Variants in HPCAL1 observed in about 807,000 individuals in gnomAD.
HPCAL1 encodes hippocalcin-like protein 1.
In HPCAL1, 8 loss-of-function variants were observed where a neutral mutation model predicts 17.1. The ratio of observed to expected loss-of-function variants is 0.47; its 90% CI spans 0.27 to 0.84. HPCAL1 has a LOEUF of 0.84. Among genes scored for constraint, HPCAL1 ranks in the 40% least tolerant of loss-of-function variants. The pLI is 0.13. For missense variants in HPCAL1, 165 were observed against 271.1 expected (o/e 0.61, Z 2.75); for synonymous variants, 112 against 111.4 (o/e 1.01, Z -0.03).
At chr2:10,391,124 C>G (rs1179350193) in intron 1 of HPCAL1, among the ~76,000 whole-genome samples, 1 of 152,214 alleles carries the variant, frequency 6.6e-6, no homozygotes, top group Non-Finnish European at 1.5e-5. Flanking sequence ...ACATGGTGGG[C>G]ACTCGGCCTA....
chr2:10,318,125 G>T (rs1347945239), intron 1 of HPCAL1, among the ~76,000 whole-genome samples: 1 of 152,098 alleles, frequency 6.6e-6, no homozygotes, highest in Non-Finnish European at 1.5e-5. Flanking sequence ...ATTTCTAAAG[G>T]CAGTCAACTT....
intron 4 of HPCAL1, chr2:10,424,385 G>A (rs927531743): frequency 4.6e-5 from 19 of 416,976 alleles, no homozygotes; most frequent in East Asian, 2.9e-4. Flanking sequence ...ACCTGCTGCC[G>A]CTCTCCTGAG....
intron 1 of HPCAL1, among the ~76,000 whole-genome samples, chr2:10,305,243 C>T (rs781069605): frequency 6.6e-6 from 1 of 151,880 alleles, no homozygotes; most frequent in Non-Finnish European, 1.5e-5. Context: ...AAAAAAAAAT[C>T]AGTCTGGCTT....
In HPCAL1 at chr2:10,367,510, C is replaced by G. The variant is rs1419170290; in HGVS notation, c.-110-29325C>G. Among the ~76,000 whole-genome samples the G allele has an allele frequency of 3.9e-5, 6 of 152,058 alleles. No individual in the cohort carries two copies. The highest frequency in any genetic ancestry group is 5.9e-5 in the Non-Finnish European group (4 of 68,022). On this transcript the variant is annotated intron_variant, in intron 1 of 4. Coordinates refer to ENST00000307845, the MANE Select transcript of HPCAL1 (RefSeq NM_002149.4). This position sits in a 1 kb window ranked among gnomAD's most constrained non-coding sequence, Gnocchi z 4.4. Reference sequence around the variant, plus strand: ...CCCAGACTGGTCTTAAACTCCTGGGCTCAACTAAAATTTTAATCTCCAATT... The same window carrying G: ...CCCAGACTGGTCTTAAACTCCTGGGGTCAACTAAAATTTTAATCTCCAATT...
At chr2:10,399,505 C>CCAT (rs1669411035) in intron 2 of HPCAL1, among the ~76,000 whole-genome samples, 1 of 121,770 alleles carries the variant, frequency 8.2e-6, no homozygotes, top group Non-Finnish European at 1.8e-5. Flanking sequence ...ATCACCATCA[C>CCAT]CACCACCGCC....
In HPCAL1 at chr2:10,388,420, T is replaced by G. The variant is rs1371873334; in HGVS notation, c.-110-8415T>G. On this transcript the variant is annotated intron_variant, in intron 1 of 4. Coordinates refer to ENST00000307845, the MANE Select transcript of HPCAL1 (RefSeq NM_002149.4). ...AATTCTGTTAGTGAGCAGTGAGCTG[T>G]TTTATTTTCCTTCCTGCCTATGGAA... 2.0e-5 allele frequency among the ~76,000 whole-genome samples: 3 copies of G among 152,134 alleles called. No homozygotes were observed. The East Asian group carries it at 5.8e-4, about 29-fold the overall frequency.
At chr2:10,374,015 C>T (rs1295380229) in intron 1 of HPCAL1, among the ~76,000 whole-genome samples, 1 of 152,154 alleles carries the variant, frequency 6.6e-6, no homozygotes, top group Non-Finnish European at 1.5e-5. Flanking sequence ...GTCCTCTGTC[C>T]CCTAGTCTCA....
chr2:10,312,419 A>G (rs550633902), intron 1 of HPCAL1, among the ~76,000 whole-genome samples: 4 of 150,368 alleles, frequency 2.7e-5, no homozygotes, highest in African/African-American at 9.8e-5. Context: ...CAATGTCGTC[A>G]TCACCATCAT....
chr2:10,329,281 G>A (rs931555175), intron 1 of HPCAL1, among the ~76,000 whole-genome samples: 2 of 152,202 alleles, frequency 1.3e-5, no homozygotes, highest in African/African-American at 2.4e-5. Context: ...TGCCTTATAC[G>A]GTAAAGGGCT....
chr2:10,306,207 T>C (rs1662611574), intron 1 of HPCAL1, among the ~76,000 whole-genome samples: 1 of 152,126 alleles, frequency 6.6e-6, no homozygotes, highest in Non-Finnish European at 1.5e-5. Flanking sequence ...AATTTTGCAT[T>C]CCAGCAAGCC....
At chr2:10,399,540 A>C in intron 2 of HPCAL1, among the ~76,000 whole-genome samples, 2 of 112,806 alleles carry the variant, frequency 1.8e-5, no homozygotes, top group Non-Finnish European at 3.5e-5. Flanking sequence ...TGCCACCGCC[A>C]CCATCACCGC....
chr2:10,409,979 A>T (rs774344614), intron 2 of HPCAL1, among the ~76,000 whole-genome samples: 3 of 151,724 alleles, frequency 2.0e-5, no homozygotes, highest in Non-Finnish European at 4.4e-5. Flanking sequence ...TTTAGTAGGG[A>T]CGGTTTCACC....
chr2:10,404,548 C>T (rs921833612), intron 2 of HPCAL1, among the ~76,000 whole-genome samples: 12 of 152,158 alleles, frequency 7.9e-5, no homozygotes, highest in African/African-American at 2.7e-4. Flanking sequence ...TCCCCAGAGA[C>T]GGAGATGAGA....
chr2:10,362,500 A>G lies in HPCAL1; in HGVS notation c.-110-34335A>G, dbSNP rs575717312. On this transcript the variant is annotated intron_variant, in intron 1 of 4. Coordinates refer to ENST00000307845, the MANE Select transcript of HPCAL1 (RefSeq NM_002149.4). This position sits in a 1 kb window ranked among gnomAD's most constrained non-coding sequence, Gnocchi z 5.0. ...TGAGCAAGAGGAGGAGAGGACAGGG[A>G]AGGAACATGTCTGCTTCTTTCCTTC... Among the ~76,000 whole-genome samples, 268 of 152,274 alleles carry G rather than the reference A, an allele frequency of 1.8e-3. 2 individuals carry two copies. The highest frequency in any genetic ancestry group is 6.1e-3 in the African/African-American group (253 of 41,542).
In HPCAL1 at chr2:10,357,304, C is replaced by T. The variant is rs183424889; in HGVS notation, c.-110-39531C>T. On this transcript the variant is annotated intron_variant, in intron 1 of 4. Coordinates refer to ENST00000307845, the MANE Select transcript of HPCAL1 (RefSeq NM_002149.4). The stretch of plus-strand genomic sequence containing the variant: ...GGCCTTCTCAACTCCTGGCCCAGCC[C>T]AGGTTGTCAGCTCTCTCAGGTTTTG... Among the ~76,000 whole-genome samples, 812 of 152,356 alleles carry T rather than the reference C, an allele frequency of 5.3e-3. 1 individual carries two copies. The highest frequency in any genetic ancestry group is 8.3e-3 in the Non-Finnish European group (568 of 68,030).
rs55678486 is a variant in HPCAL1, at chr2:10,395,113, A to AACACACACACAC, written c.-110-1687_-110-1676dup. Among the ~76,000 whole-genome samples the AACACACACACAC allele has an allele frequency of 7.3e-4, 101 of 138,462 alleles. No homozygotes were observed. Among genetic ancestry groups the AACACACACACAC allele is most frequent in the African/African-American group, 1.1e-3 (39 of 36,716 alleles). 90.8% of individuals were successfully genotyped at this position (138,462 alleles called of 152,430 possible). A position where few individuals can be genotyped will look rare whatever the true frequency, so the allele number is the denominator to read the frequency against. ...TGTCCAGCCTAAAATCTATCTTTAAAACACACACACACACACACACACACA... is the reference window on the plus strand; with the variant it reads ...TGTCCAGCCTAAAATCTATCTTTAAAACACACACACACACACACACACACACACACACACACA... On this transcript the variant is annotated intron_variant, in intron 1 of 4. Coordinates refer to ENST00000307845, the MANE Select transcript of HPCAL1 (RefSeq NM_002149.4). The surrounding 1 kb of genome is among the most constrained non-coding windows in gnomAD (Gnocchi z 4.4).
Position 10,362,790 on chromosome 2 carries a change from G to C in HPCAL1, c.-110-34045G>C, listed in dbSNP as rs1430124488. ...AGCCAGAAGCCCCTGCATCAGGTAGGAGTGCTGAGTCATGAGATTGGGTTG... is the reference window on the plus strand; with the variant it reads ...AGCCAGAAGCCCCTGCATCAGGTAGCAGTGCTGAGTCATGAGATTGGGTTG... On this transcript the variant is annotated intron_variant, in intron 1 of 4. Coordinates refer to ENST00000307845, the MANE Select transcript of HPCAL1 (RefSeq NM_002149.4). This position sits in a 1 kb window ranked among gnomAD's most constrained non-coding sequence, Gnocchi z 5.0. Among the ~76,000 whole-genome samples the C allele has an allele frequency of 1.3e-5, 2 of 152,218 alleles. No homozygotes were observed. Among genetic ancestry groups the C allele is most frequent in the Non-Finnish European group, 2.9e-5 (2 of 68,050 alleles).
At chr2:10,345,053 C>CT (rs1474867331) in intron 1 of HPCAL1, among the ~76,000 whole-genome samples, 3 of 151,370 alleles carry the variant, frequency 2.0e-5, no homozygotes, top group Non-Finnish European at 4.4e-5. Flanking sequence ...CTCTCTCTCT[C>CT]TTTCTGTCTC....
chr2:10,309,424 T>G lies in HPCAL1; in HGVS notation c.-111+6247T>G, dbSNP rs867801060. On this transcript the variant is annotated intron_variant, in intron 1 of 4. Coordinates refer to ENST00000307845, the MANE Select transcript of HPCAL1 (RefSeq NM_002149.4). ...AGCAGAAAGTAGAAGGATCAAGAATTAAACGAGGTCACTTTCTCTTCCGCC... is the reference window on the plus strand; with the variant it reads ...AGCAGAAAGTAGAAGGATCAAGAATGAAACGAGGTCACTTTCTCTTCCGCC... Among the ~76,000 whole-genome samples, 7 of 152,324 alleles carry G rather than the reference T, an allele frequency of 4.6e-5. No homozygotes were observed. The South Asian group carries it at 6.2e-4, about 14-fold the overall frequency.
Sources: allele counts gnomAD v4.1 joint callset (sites outside exome capture counted in the v4.1 genomes callset), GRCh38; gene constraint gnomAD v4.1.1; non-coding constraint Gnocchi (gnomAD v3.1); transcripts MANE v1.5; gene names NCBI Gene and HGNC (gene_info 2026-07-23, HGNC 2026-07-21).